The following PC variants were observed in gnomAD, a reference collection of about 807,000 sequenced individuals.
PC encodes the protein pyruvate carboxylase, also known as pyruvate carboxylase, mitochondrial.
PC carries 46 observed loss-of-function variants against 107.8 expected under a neutral mutation model. That is an observed-to-expected ratio of 0.43 (90% CI 0.34 to 0.55). The LOEUF is 0.55. Ranked by LOEUF, PC falls within the 20% of genes least tolerant of loss-of-function variation. PC has a pLI of 0.04. For synonymous variants in PC, 662 were observed against 684.7 expected, an observed-to-expected ratio of 0.97 and a Z score of 0.52; for missense variants, 1,241 against 1,643.1, an observed-to-expected ratio of 0.76 and a Z score of 4.23.
rs2135937467 is a variant in PC at position 66,870,771 on chromosome 11, T to C, written c.751+4A>G. The C allele has an allele frequency of 6.2e-7, 1 of 1,609,778 alleles. No homozygotes were observed. Among genetic ancestry groups the C allele is most frequent in the Non-Finnish European group, 8.5e-7 (1 of 1,178,650 alleles). Reference sequence around the variant, plus strand: ...GCCCCAGGCGGGGCGTCAGGACCACTCACCCAAGATCTGCACCTCGATGTG... The same window carrying C: ...GCCCCAGGCGGGGCGTCAGGACCACCCACCCAAGATCTGCACCTCGATGTG... On this transcript the variant is annotated splice_donor_region_variant and intron_variant, in intron 8 of 22. Coordinates refer to ENST00000393960, the MANE Select transcript of PC (RefSeq NM_001040716.2). The surrounding 1 kb of genome is among the most constrained non-coding windows in gnomAD (Gnocchi z 6.1).
chr11:66,926,385 T>A (rs1286958153), intron 3 of PC, among the ~76,000 whole-genome samples: 2 of 152,224 alleles, frequency 1.3e-5, no homozygotes, highest in Admixed American at 1.3e-4. Flanking sequence ...GTGCTTGGCA[T>A]CACATAGGAA....
At chr11:66,934,153 T>C (rs969102088) in intron 3 of PC, among the ~76,000 whole-genome samples, 1 of 152,040 alleles carries the variant, frequency 6.6e-6, no homozygotes, top group African/African-American at 2.4e-5. Flanking sequence ...AACTCAAATA[T>C]CACACATGCG....
At chr11:66,922,252 C>G (rs1323504604) in intron 3 of PC, among the ~76,000 whole-genome samples, 1 of 152,156 alleles carries the variant, frequency 6.6e-6, no homozygotes, top group African/African-American at 2.4e-5. Context: ...TTAAAACAGT[C>G]TTTCAGTCAT....
chr11:66,868,941 G>T lies in PC; in HGVS notation c.927C>A (p.Thr309=), dbSNP rs373717650. The T allele has an allele frequency of 1.2e-6, 2 of 1,613,852 alleles. No homozygotes were observed. Among genetic ancestry groups the T allele is most frequent in the Non-Finnish European group, 1.7e-6 (2 of 1,179,966 alleles). ...AKQVGYENAG[T]VEFLVDRHGK... ...CGTGCCTGTCCACCAGGAACTCCAC[G>T]GTGCCTGCGTTCTCGTAGCCCACCT... is the stretch of plus-strand genomic sequence containing the variant. The change falls in exon 10 of 23, where the codon ACC becomes ACA. Residue 309 remains threonine (T), a synonymous_variant. Coordinates refer to ENST00000393960, the MANE Select transcript of PC (RefSeq NM_001040716.2).
chr11:66,920,186 G>A (rs1482638509), intron 3 of PC, among the ~76,000 whole-genome samples: 1 of 152,018 alleles, frequency 6.6e-6, no homozygotes, highest in East Asian at 1.9e-4. Context: ...CGAGAGAGAT[G>A]GTGTTCTCAG....
intron 2 of PC, among the ~76,000 whole-genome samples, chr11:66,952,702 C>G (rs1441036964): frequency 6.6e-6 from 1 of 152,166 alleles, no homozygotes; most frequent in African/African-American, 2.4e-5. Flanking sequence ...GCCACCACGC[C>G]CAGCTAATTT....
intron 12 of PC, among the ~76,000 whole-genome samples, chr11:66,861,049 A>G (rs1359497995): frequency 6.6e-6 from 1 of 152,210 alleles, no homozygotes; most frequent in Admixed American, 6.5e-5. Context: ...GATCCTCTGG[A>G]AGGTTCCTGT....
intron 3 of PC, among the ~76,000 whole-genome samples, chr11:66,942,021 G>A (rs1264233529): frequency 2.6e-5 from 4 of 151,594 alleles, no homozygotes; most frequent in Admixed American, 2.6e-4. Flanking sequence ...AGAGTCGCTT[G>A]AACTCGGGAG....
intron 3 of PC, among the ~76,000 whole-genome samples, chr11:66,919,146 T>C (rs961072839): frequency 6.6e-6 from 1 of 152,206 alleles, no homozygotes; most frequent in Non-Finnish European, 1.5e-5. Flanking sequence ...CCAGGTGCGG[T>C]GGCTCAGGCT....
intron 3 of PC, among the ~76,000 whole-genome samples, chr11:66,892,168 G>A (rs1458988884): frequency 6.6e-6 from 1 of 152,138 alleles, no homozygotes; most frequent in African/African-American, 2.4e-5. Context: ...AAGGTGGGGC[G>A]AGTCCGGGAA....
chr11:66,940,199 C>CTT (rs144463616), intron 3 of PC, among the ~76,000 whole-genome samples: 16 of 137,442 alleles, frequency 1.2e-4, no homozygotes, highest in South Asian at 2.3e-4. Flanking sequence ...GTTCCCAAAA[C>CTT]TTTTTTTTTT....
In PC at chr11:66,858,305, C is replaced by T. The variant is rs144433540; in HGVS notation, c.1369-4922G>A. The T allele has an allele frequency of 2.2e-5, 35 of 1,610,428 alleles. 1 individual carries two copies. Among genetic ancestry groups the T allele is most frequent in the African/African-American group, 1.5e-4 (11 of 75,064 alleles). On this transcript the variant is annotated intron_variant, in intron 12 of 22. Coordinates refer to ENST00000393960, the MANE Select transcript of PC (RefSeq NM_001040716.2). The surrounding 1 kb of genome is among the most constrained non-coding windows in gnomAD (Gnocchi z 5.9). ...ACCTTATTGACGCACTGCCCCCAGG[C>T]GCCTTCGCCCAGCTCGGTCAGCTCT...
intron 3 of PC, among the ~76,000 whole-genome samples, chr11:66,936,730 C>G (rs537620466): frequency 1.2e-4 from 19 of 152,266 alleles, no homozygotes; most frequent in Admixed American, 3.9e-4. Flanking sequence ...ATTCATTTAA[C>G]CTATGTTTTT....
At chr11:66,926,100 A>C (rs1948709206) in intron 3 of PC, among the ~76,000 whole-genome samples, 1 of 152,210 alleles carries the variant, frequency 6.6e-6, no homozygotes. Context: ...AATTGCTTGG[A>C]GGACTGTGAT....
chr11:66,866,278 T>A lies in PC; in HGVS notation c.1094A>T (p.Glu365Val), dbSNP rs762531870. ...RSLPDLGLRQ[E>V]NIRINGCAIQ... Reference sequence around the variant, plus strand: ...GGCACACCCGTTGATGCGGATGTTCTCCTGCCGCAGGCCCAGGTCGGGTAG... The same window carrying A: ...GGCACACCCGTTGATGCGGATGTTCACCTGCCGCAGGCCCAGGTCGGGTAG... The change falls in exon 11 of 23, where the codon GAG becomes GTG. Residue 365 changes from glutamate (E) to valine (V), a missense_variant. By Grantham distance (121) the Glu-to-Val change is moderately radical. Around this residue, in one of 2 missense-constraint regions of PC, gnomAD observed 1,143 missense variants for 1,551.9 expected, o/e 0.74. Coordinates refer to ENST00000393960, the MANE Select transcript of PC (RefSeq NM_001040716.2). This position sits in a 1 kb window ranked among gnomAD's most constrained non-coding sequence, Gnocchi z 5.4. 2.5e-6 allele frequency: 4 copies of A among 1,612,696 alleles called. No homozygotes were observed. In the South Asian group the frequency reaches 4.4e-5, roughly 18 times the overall value.
intron 3 of PC, chr11:66,919,922 T>C (rs1265173821): frequency 6.6e-6 from 1 of 152,166 alleles, no homozygotes; most frequent in Admixed American, 6.6e-5. Context: ...AAAATGGGCA[T>C]CAGGTCAAAG....
In PC at chr11:66,938,289, C is replaced by T. The variant is rs186558346; in HGVS notation, c.-1+14141G>A. 1.4e-3 allele frequency among the ~76,000 whole-genome samples: 212 copies of T among 152,162 alleles called. 1 individual carries two copies. The highest frequency in any genetic ancestry group is 5.0e-3 in the African/African-American group (207 of 41,520). ...TGTTGCAAGCCTTTGGTTAATTTCTCGAGTTCTGAAAAAGTTGGTTTTAAT... is the reference window on the plus strand; with the variant it reads ...TGTTGCAAGCCTTTGGTTAATTTCTTGAGTTCTGAAAAAGTTGGTTTTAAT... On this transcript the variant is annotated intron_variant, in intron 3 of 22. Transcript: ENST00000393960.
intron 3 of PC, among the ~76,000 whole-genome samples, chr11:66,876,197 T>C (rs1206348713): frequency 1.3e-5 from 2 of 152,152 alleles, no homozygotes; most frequent in East Asian, 1.9e-4. Flanking sequence ...GAGGATTGCG[T>C]TGATATCAAT....
chr11:66,869,289 G>A (rs755760882), intron 9 of PC, among the ~76,000 whole-genome samples: 3 of 151,766 alleles, frequency 2.0e-5, no homozygotes, highest in Non-Finnish European at 4.4e-5. Flanking sequence ...GGGCTTGCCC[G>A]CCAAGGCTGT....
Sources: allele counts gnomAD v4.1 joint callset (sites outside exome capture counted in the v4.1 genomes callset), GRCh38; gene constraint gnomAD v4.1.1; regional missense constraint gnomAD v4.1.1; non-coding constraint Gnocchi (gnomAD v3.1); transcripts MANE v1.5; gene names NCBI Gene and HGNC (gene_info 2026-07-23, HGNC 2026-07-21).